Variants in PDE4D observed in about 807,000 individuals in gnomAD.
The protein encoded by PDE4D is 3',5'-cyclic-AMP phosphodiesterase 4D.
PDE4D carries 24 observed loss-of-function variants against 87.4 expected under a neutral mutation model. The ratio of observed to expected loss-of-function variants is 0.27; its 90% CI spans 0.20 to 0.39. The LOEUF is 0.39. Ranked by LOEUF, PDE4D falls within the 10% of genes least tolerant of loss-of-function variation. The pLI, the probability that PDE4D is intolerant of heterozygous loss-of-function variation, is 1.00. For synonymous variants in PDE4D, 384 were observed against 383.2 expected (o/e 1.00, Z -0.02); for missense variants, 714 against 1,041.0 (o/e 0.69, Z 4.32).
intron 5 of PDE4D, among the ~76,000 whole-genome samples, chr5:59,073,526 G>A (rs1385730468): frequency 1.3e-5 from 2 of 150,532 alleles, no homozygotes; most frequent in East Asian, 3.9e-4. Context: ...CGGGTGGTTG[G>A]AGATGAGGAG....
At chr5:59,827,019 C>A (rs1158446727) in intron 1 of PDE4D, among the ~76,000 whole-genome samples, 5 of 151,816 alleles carry the variant, frequency 3.3e-5, no homozygotes, top group African/African-American at 1.2e-4. Flanking sequence ...GTTACTCAAG[C>A]CAAAACTTTG....
chr5:59,900,750 T>A (rs1167371901), intron 3 of PDE4D, among the ~76,000 whole-genome samples: 1 of 152,142 alleles, frequency 6.6e-6, no homozygotes, highest in Non-Finnish European at 1.5e-5. Context: ...ATATTTTTTA[T>A]AAAAATGAAT....
At chr5:60,264,901 A>G (rs1422322228) in intron 1 of PDE4D, among the ~76,000 whole-genome samples, 1 of 152,194 alleles carries the variant, frequency 6.6e-6, no homozygotes, top group African/African-American at 2.4e-5. Flanking sequence ...TCACTCATTC[A>G]TTTATCCAAC....
rs1389998597 is a variant in PDE4D, at chr5:59,827,763, AACC to A, written c.455+65402_455+65404del. ...GGGCAGCTGGGTGTCCAAACAGCTC[AACC>A]AGAATTTGATCTCCACAAAATGCCC... On this transcript the variant is annotated intron_variant, in intron 1 of 14. Coordinates refer to ENST00000340635, the MANE Select transcript of PDE4D (RefSeq NM_001104631.2). 2.0e-5 allele frequency among the ~76,000 whole-genome samples: 3 copies of A among 152,272 alleles called. No homozygotes were observed. In the East Asian group the frequency reaches 5.8e-4, roughly 30 times the overall value.
intron 1 of PDE4D, among the ~76,000 whole-genome samples, chr5:59,379,082 C>T (rs977228551): frequency 1.3e-5 from 2 of 152,092 alleles, no homozygotes; most frequent in Non-Finnish European, 1.5e-5. Context: ...GCCTCTCCAG[C>T]AGGCCCTTGT....
chr5:59,014,870 C>G (rs1364438703), intron 6 of PDE4D, among the ~76,000 whole-genome samples: 1 of 152,166 alleles, frequency 6.6e-6, no homozygotes, highest in African/African-American at 2.4e-5. Context: ...TGACTTCAAA[C>G]TATACTACAA....
intron 1 of PDE4D, among the ~76,000 whole-genome samples, chr5:60,213,147 A>C (rs1227243711): frequency 6.6e-6 from 1 of 152,212 alleles, no homozygotes; most frequent in African/African-American, 2.4e-5. Flanking sequence ...CTGGAAAGGC[A>C]AAAACTACAA....
intron 1 of PDE4D, among the ~76,000 whole-genome samples, chr5:59,723,691 T>A (rs1235877883): frequency 6.6e-6 from 1 of 152,180 alleles, no homozygotes; most frequent in African/African-American, 2.4e-5. Flanking sequence ...AATACCCATA[T>A]GGGTTTTCAC....
At chr5:59,272,317 TC>T (rs1314144605) in intron 1 of PDE4D, among the ~76,000 whole-genome samples, 1 of 152,058 alleles carries the variant, frequency 6.6e-6, no homozygotes, top group East Asian at 1.9e-4. Context: ...ATGAGAAGTA[TC>T]CCTGGGAAAT....
At chr5:60,351,443 G>T (rs1159883480) in intron 1 of PDE4D, among the ~76,000 whole-genome samples, 1 of 152,164 alleles carries the variant, frequency 6.6e-6, no homozygotes, top group Non-Finnish European at 1.5e-5. Flanking sequence ...GGCCTCTGGG[G>T]AAGGAGAGTA....
chr5:60,106,627 A>C (rs1204888384), intron 2 of PDE4D, among the ~76,000 whole-genome samples: 1 of 151,596 alleles, frequency 6.6e-6, no homozygotes, highest in Non-Finnish European at 1.5e-5. Context: ...TCCTCAGCAA[A>C]TGTAAAAGAA....
At chr5:58,995,019 A>G (rs1748884691) in intron 6 of PDE4D, among the ~76,000 whole-genome samples, 1 of 149,958 alleles carries the variant, frequency 6.7e-6, no homozygotes, top group Non-Finnish European at 1.5e-5. Context: ...AAGTATAATA[A>G]AAATAAAATA....
At position 60,267,118 on chromosome 5, in the gene PDE4D, G is replaced by A. The variant is rs577688351; in HGVS notation, c.-89-81431C>T. On this transcript the variant is annotated intron_variant, in intron 1 of 16. Coordinates refer to the PDE4D transcript ENST00000502484. ...TCGCCAATACATATAGAATAAGGAC[G>A]TAAAACTGTCCGTGTGTTTCCGTTA... Among the ~76,000 whole-genome samples the A allele has an allele frequency of 1.2e-4, 18 of 152,260 alleles. No individual in the cohort carries two copies. In the South Asian group the frequency reaches 1.7e-3, roughly 14 times the overall value.
chr5:59,282,622 G>T (rs559346034), intron 1 of PDE4D, among the ~76,000 whole-genome samples: 3 of 108,608 alleles, frequency 2.8e-5, no homozygotes, highest in African/African-American at 1.1e-4. Flanking sequence ...CAACCTGGGC[G>T]ACAAGAGTGA....
At chr5:60,337,889 C>A in intron 1 of PDE4D, among the ~76,000 whole-genome samples, 1 of 151,784 alleles carries the variant, frequency 6.6e-6, no homozygotes, top group Non-Finnish European at 1.5e-5. Context: ...AAAAACATTC[C>A]TCATGGGCTA....
At chr5:59,134,172 T>C (rs1383295153) in intron 5 of PDE4D, among the ~76,000 whole-genome samples, 1 of 148,392 alleles carries the variant, frequency 6.7e-6, no homozygotes, top group African/African-American at 2.5e-5. Context: ...CTAGGGAATT[T>C]GATCAAAAAC....
chr5:60,249,296 T>C (rs1229268507), intron 1 of PDE4D, among the ~76,000 whole-genome samples: 3 of 152,042 alleles, frequency 2.0e-5, no homozygotes, highest in Non-Finnish European at 4.4e-5. Flanking sequence ...TGTGTTCTAT[T>C]AAACATTTAG....
chr5:60,191,673 C>A (rs1235220014), intron 1 of PDE4D, among the ~76,000 whole-genome samples: 1 of 152,116 alleles, frequency 6.6e-6, no homozygotes, highest in East Asian at 1.9e-4. Flanking sequence ...ATTGTAAAGT[C>A]TCTTCCATAC....
intron 6 of PDE4D, among the ~76,000 whole-genome samples, chr5:59,013,364 T>C (rs1181603251): frequency 1.3e-5 from 2 of 152,102 alleles, no homozygotes; most frequent in East Asian, 3.8e-4. Context: ...GTCCAGGAGC[T>C]GGTTTTTTGA....
Sources: allele counts gnomAD v4.1 joint callset (sites outside exome capture counted in the v4.1 genomes callset), GRCh38; gene constraint gnomAD v4.1.1; transcripts MANE v1.5; gene names NCBI Gene and HGNC (gene_info 2026-07-23, HGNC 2026-07-21).